The following CACNG7 variants were observed in gnomAD, a reference collection of about 807,000 sequenced individuals.
CACNG7 encodes the protein voltage-dependent calcium channel gamma-7 subunit.
Under a neutral mutation model 26.3 loss-of-function variants are expected in CACNG7, and 9 were observed. The observed-to-expected ratio is 0.34, with a 90% CI of 0.21 to 0.60. CACNG7 has a LOEUF of 0.60. Ranked by LOEUF, CACNG7 falls within the 20% of genes least tolerant of loss-of-function variation. The probability of loss-of-function intolerance (pLI) is 0.81; values close to 1 mark genes in which losing one functional copy is unlikely to be tolerated. For missense variants in CACNG7, 297 were observed against 380.4 expected (o/e 0.78, Z 1.82); for synonymous variants, 170 against 157.0 (o/e 1.08, Z -0.62).
Position 53,939,584 on chromosome 19 carries a change from C to T in CACNG7, c.425-1886C>T, listed in dbSNP as rs1354563687. ...TTTAGCTTGCTTTCTAGGTTCATCC[C>T]TATGGTAGCATGAATCAGTATATCG... On this transcript the variant is annotated intron_variant, in intron 4 of 5. Transcript: ENST00000391767. The surrounding 1 kb of genome is among the most constrained non-coding windows in gnomAD (Gnocchi z 4.2). 6.6e-6 allele frequency among the ~76,000 whole-genome samples: 1 copy of T among 152,158 alleles called. No individual in the cohort carries two copies. Among genetic ancestry groups the T allele is most frequent in the Non-Finnish European group, 1.5e-5 (1 of 68,042 alleles).
In CACNG7 at chr19:53,942,177, C is replaced by T. The variant is rs773761617; in HGVS notation, c.712C>T (p.Arg238Cys). ...CCAGTTCCTGCAGCCCGAGGCGTGG[C>T]GCCGCGGCCGGAGCCCCTCCGACAT... Reference protein sequence around the residue: ...SGQFLQPEAWRRGRSPSDISS... With the variant: ...SGQFLQPEAWCRGRSPSDISS... Residue 238 changes from arginine to cysteine, a missense_variant, in exon 6 of 6, where the codon CGC (arginine) becomes TGC (cysteine). Transcript: ENST00000391767. This position sits in a 1 kb window ranked among gnomAD's most constrained non-coding sequence, Gnocchi z 5.9. 1 of 1,614,014 alleles carries T rather than the reference C, an allele frequency of 6.2e-7. No individual in the cohort carries two copies. Among genetic ancestry groups the T allele is most frequent in the East Asian group, 2.2e-5 (1 of 44,860 alleles).
At chr19:53,938,339 C>G (rs766867563) in intron 4 of CACNG7, among the ~76,000 whole-genome samples, 1 of 151,942 alleles carries the variant, frequency 6.6e-6, no homozygotes, top group Non-Finnish European at 1.5e-5. Context: ...CAGAGCAAGA[C>G]CCTGTCCCAA....
intron 1 of CACNG7, among the ~76,000 whole-genome samples, chr19:53,910,649 C>A (rs1239440542): frequency 1.3e-5 from 2 of 151,920 alleles, no homozygotes; most frequent in African/African-American, 4.8e-5. Flanking sequence ...CACGGGATTG[C>A]GTGGCTTGGG....
At chr19:53,932,915 C>A (rs1220547140) in intron 4 of CACNG7, among the ~76,000 whole-genome samples, 4 of 149,418 alleles carry the variant, frequency 2.7e-5, no homozygotes, top group African/African-American at 9.9e-5. Flanking sequence ...TAAAGCGATT[C>A]TCTGGCCTCA....
intron 4 of CACNG7, among the ~76,000 whole-genome samples, chr19:53,930,961 C>T (rs146800599): frequency 0.014 from 2,187 of 152,148 alleles, 57 homozygotes; most frequent in African/African-American, 0.05. Context: ...TTTGGGAGGC[C>T]GAGGTGGGCA....
At chr19:53,914,615 A>C in intron 3 of CACNG7, 29 bp downstream of exon 3, 1 of 1,589,102 alleles carries the variant, frequency 6.3e-7, no homozygotes, top group Admixed American at 1.7e-5. Flanking sequence ...ACCTAGGCAC[A>C]AGACAGCAAG....
intron 4 of CACNG7, among the ~76,000 whole-genome samples, chr19:53,927,248 T>C (rs952872431): frequency 2.0e-5 from 3 of 152,272 alleles, no homozygotes; most frequent in Non-Finnish European, 4.4e-5. Context: ...AACATGTTCT[T>C]GTTTGTATCT....
At chr19:53,924,201 T>A (rs1481078019) in intron 4 of CACNG7, among the ~76,000 whole-genome samples, 18 of 123,362 alleles carry the variant, frequency 1.5e-4, no homozygotes, top group South Asian at 6.0e-4. Context: ...GGTGGAGTTG[T>A]CCCAGGTCTG....
chr19:53,914,966 C>T (rs1269693525), intron 3 of CACNG7, among the ~76,000 whole-genome samples: 1 of 149,408 alleles, frequency 6.7e-6, no homozygotes, highest in Non-Finnish European at 1.5e-5. Context: ...TTCACCACTG[C>T]ACTCCAGCCT....
chr19:53,911,714 C>T (rs151208397), intron 1 of CACNG7, among the ~76,000 whole-genome samples: 17 of 152,268 alleles, frequency 1.1e-4, no homozygotes, highest in African/African-American at 1.9e-4. Context: ...CACAGGGCTG[C>T]GAGAGGACCA....
Position 53,924,167 on chromosome 19 carries a change from G to T in CACNG7, c.424+8662G>T, listed in dbSNP as rs1385944222. Among the ~76,000 whole-genome samples the T allele has an allele frequency of 2.7e-4, 40 of 148,868 alleles. 2 individuals are homozygous for T. Among genetic ancestry groups the T allele is most frequent in the African/African-American group, 7.6e-4 (30 of 39,660 alleles). ...CTTGCCCCAGGTCTGGTCATTGGTG[G>T]AGTTGGTCCCAGGTCTGGTCATTGG... On this transcript the variant is annotated intron_variant, in intron 4 of 5. Transcript: ENST00000391767.
At position 53,924,171 on chromosome 19, in the gene CACNG7, TG is replaced by T. The variant is rs759924066; in HGVS notation, c.424+8668del. ...CCCCAGGTCTGGTCATTGGTGGAGT[TG>T]GTCCCAGGTCTGGTCATTGGTGGAG... is the stretch of plus-strand genomic sequence containing the variant. On this transcript the variant is annotated intron_variant, in intron 4 of 5. Coordinates refer to ENST00000391767, the MANE Select transcript of CACNG7 (RefSeq NM_031896.5). Among the ~76,000 whole-genome samples the T allele has an allele frequency of 2.9e-4, 42 of 142,908 alleles. 2 individuals carry two copies. Among genetic ancestry groups the T allele is most frequent in the African/African-American group, 5.9e-4 (22 of 37,322 alleles). The allele number at this position is 142,908 out of a possible 152,430, so 93.8% of individuals were successfully genotyped here. A position where few individuals can be genotyped will look rare whatever the true frequency, so the allele number is the denominator to read the frequency against.
intron 4 of CACNG7, among the ~76,000 whole-genome samples, chr19:53,936,572 G>A (rs926960069): frequency 7.2e-5 from 11 of 152,126 alleles, no homozygotes; most frequent in African/African-American, 2.4e-4. Flanking sequence ...ATATGTATCA[G>A]TGTGGACTCA....
At chr19:53,919,789 CTTGCCCCAGGCCCGGTATTGGTGGAG>C (rs2068925678) in intron 4 of CACNG7, among the ~76,000 whole-genome samples, 1 of 111,830 alleles carries the variant, frequency 8.9e-6, no homozygotes, top group African/African-American at 3.9e-5. Flanking sequence ...CATTGGTGGA[CTTGCCCCAGGCCCGGTATTGGTGGAG>C]TTGCCCCAGG....
At position 53,943,272 on chromosome 19, in the gene CACNG7, C is replaced by T. The variant is rs1337316500; in HGVS notation, c.*979C>T. On this transcript the variant is annotated 3_prime_UTR_variant, in exon 6 of 6. Transcript: ENST00000391767. ...GCGGGGGTCGACACCCCCCCCAAACCTCTAAGTCTTCCATTTTCTGGCTCT... is the reference window on the plus strand; with the variant it reads ...GCGGGGGTCGACACCCCCCCCAAACTTCTAAGTCTTCCATTTTCTGGCTCT... 6.6e-6 allele frequency: 1 copy of T among 152,122 alleles called. No individual in the cohort carries two copies. Among genetic ancestry groups the T allele is most frequent in the African/African-American group, 2.4e-5 (1 of 41,388 alleles). 9.4% of individuals were successfully genotyped at this position (152,122 alleles called of 1,614,324 possible). A position where few individuals can be genotyped will look rare whatever the true frequency, so the allele number is the denominator to read the frequency against.
rs2068851777 is a variant in CACNG7 at position 53,909,856 on chromosome 19, G to C, written c.-30+339G>C. ...CCGGCCAGAGCAGGATGTGGGTCTGGAAAGGGGTCCCAGAAAGGGGGAGTT... is the reference window on the plus strand; with the variant it reads ...CCGGCCAGAGCAGGATGTGGGTCTGCAAAGGGGTCCCAGAAAGGGGGAGTT... On this transcript the variant is annotated intron_variant, in intron 1 of 5. Coordinates refer to ENST00000391767, the MANE Select transcript of CACNG7 (RefSeq NM_031896.5). This position sits in a 1 kb window ranked among gnomAD's most constrained non-coding sequence, Gnocchi z 5.1. Among the ~76,000 whole-genome samples the C allele has an allele frequency of 6.6e-6, 1 of 152,162 alleles. No homozygotes were observed. The highest frequency in any genetic ancestry group is 2.4e-5 in the African/African-American group (1 of 41,450).
chr19:53,921,577 T>C (rs556528709), intron 4 of CACNG7, among the ~76,000 whole-genome samples: 38 of 117,502 alleles, frequency 3.2e-4, no homozygotes, highest in African/African-American at 1.1e-3. Flanking sequence ...TTGGTGGAGT[T>C]GCCCCAGGTC....
chr19:53,927,387 G>A (rs564591149), intron 4 of CACNG7, among the ~76,000 whole-genome samples: 8 of 152,326 alleles, frequency 5.3e-5, no homozygotes, highest in Admixed American at 4.6e-4. Context: ...TGACATAGTA[G>A]GGTGCTCTGG....
chr19:53,928,250 T>C (rs933762584), intron 4 of CACNG7, among the ~76,000 whole-genome samples: 1 of 150,600 alleles, frequency 6.6e-6, no homozygotes, highest in Non-Finnish European at 1.5e-5. Context: ...TGATTCTGCT[T>C]ATGGAGATTG....
Sources: allele counts gnomAD v4.1 joint callset (sites outside exome capture counted in the v4.1 genomes callset), GRCh38; gene constraint gnomAD v4.1.1; non-coding constraint Gnocchi (gnomAD v3.1); transcripts MANE v1.5; gene names NCBI Gene and HGNC (gene_info 2026-07-23, HGNC 2026-07-21).